The following TAF1B variants were observed in gnomAD, a reference collection of about 807,000 sequenced individuals.
TAF1B encodes the protein TATA box-binding protein-associated factor RNA polymerase I subunit B.
A neutral mutation model predicts 83.9 loss-of-function variants in TAF1B; 61 were observed. The ratio of observed to expected loss-of-function variants is 0.73; its 90% CI spans 0.59 to 0.90. The LOEUF is 0.90. TAF1B is among the 40% of genes least tolerant of loss of function. TAF1B has a pLI of 0.00. For missense variants in TAF1B, 625 were observed against 677.0 expected, an observed-to-expected ratio of 0.92 and a Z score of 0.85; for synonymous variants, 221 against 224.6, an observed-to-expected ratio of 0.98 and a Z score of 0.14.
At chr2:9,908,856 G>T (rs1665431043) in intron 9 of TAF1B, among the ~76,000 whole-genome samples, 1 of 152,166 alleles carries the variant, frequency 6.6e-6, no homozygotes. Flanking sequence ...TCCCATGTTT[G>T]TCATAGCCTG....
At chr2:9,910,955 G>A in intron 10 of TAF1B, 42 bp downstream of exon 10, 2 of 1,533,346 alleles carry the variant, frequency 1.3e-6, no homozygotes, top group African/African-American at 1.4e-5. Context: ...ATTTTATGGT[G>A]CTGATCTTAG....
At chr2:9,928,539 C>T (rs971148341) in intron 14 of TAF1B, among the ~76,000 whole-genome samples, 1 of 152,136 alleles carries the variant, frequency 6.6e-6, no homozygotes, top group African/African-American at 2.4e-5. Flanking sequence ...TTTCGTTGAG[C>T]AGTGGTTTGT....
intron 8 of TAF1B, among the ~76,000 whole-genome samples, chr2:9,891,427 C>G (rs1424833279): frequency 6.6e-6 from 1 of 152,000 alleles, no homozygotes; most frequent in African/African-American, 2.4e-5. Context: ...TTAACTGATG[C>G]CTGATACATG....
At chr2:9,857,925 G>C (rs569318995) in intron 5 of TAF1B, among the ~76,000 whole-genome samples, 1 of 152,048 alleles carries the variant, frequency 6.6e-6, no homozygotes, top group Non-Finnish European at 1.5e-5. Flanking sequence ...GATTTGGATG[G>C]GGACAGAGCC....
intron 5 of TAF1B, among the ~76,000 whole-genome samples, chr2:9,861,748 C>A (rs1663770492): frequency 6.6e-6 from 1 of 152,222 alleles, no homozygotes; most frequent in South Asian, 2.1e-4. Context: ...TGAGACAAAA[C>A]TTCCAGAGGA....
intron 5 of TAF1B, among the ~76,000 whole-genome samples, chr2:9,857,979 C>T (rs1663619728): frequency 6.6e-6 from 1 of 152,128 alleles, no homozygotes; most frequent in African/African-American, 2.4e-5. Flanking sequence ...ATCTCATGTC[C>T]TTCTCACATT....
At chr2:9,926,926 A>G (rs972198925) in intron 14 of TAF1B, among the ~76,000 whole-genome samples, 3 of 151,844 alleles carry the variant, frequency 2.0e-5, no homozygotes, top group African/African-American at 7.3e-5. Flanking sequence ...CACAACCTAC[A>G]GGTTTGTTAC....
intron 5 of TAF1B, among the ~76,000 whole-genome samples, chr2:9,862,198 A>G (rs1205450171): frequency 1.1e-4 from 17 of 152,212 alleles, no homozygotes; most frequent in Admixed American, 1.1e-3. Flanking sequence ...AACCTTGAAA[A>G]AAAAATTAGA....
chr2:9,848,803 T>G (rs1335930375), intron 2 of TAF1B, among the ~76,000 whole-genome samples: 2 of 152,224 alleles, frequency 1.3e-5, no homozygotes, highest in Non-Finnish European at 2.9e-5. Flanking sequence ...TATTTGCCCT[T>G]GAGAGCAGTT....
chr2:9,851,170 TC>T (rs1249117721), intron 3 of TAF1B, among the ~76,000 whole-genome samples: 1 of 152,182 alleles, frequency 6.6e-6, no homozygotes. Flanking sequence ...TGGGCATTGT[TC>T]GGGAAAATAG....
At chr2:9,886,180 G>C (rs1664668458) in intron 8 of TAF1B, among the ~76,000 whole-genome samples, 1 of 151,614 alleles carries the variant, frequency 6.6e-6, no homozygotes. Context: ...GCAAGATAGG[G>C]ATTAAGAGGG....
chr2:9,926,939 A>AT (rs1666059853), intron 14 of TAF1B, among the ~76,000 whole-genome samples: 1 of 152,026 alleles, frequency 6.6e-6, no homozygotes, highest in Non-Finnish European at 1.5e-5. Context: ...TTTGTTACAT[A>AT]GATACATGTG....
intron 8 of TAF1B, among the ~76,000 whole-genome samples, chr2:9,902,154 AC>A (rs1386356080): frequency 6.6e-6 from 1 of 151,950 alleles, no homozygotes; most frequent in Non-Finnish European, 1.5e-5. Context: ...TTAAGCATAT[AC>A]CCCTGTACCA....
intron 9 of TAF1B, among the ~76,000 whole-genome samples, chr2:9,908,944 A>G (rs991535920): frequency 6.6e-6 from 1 of 152,228 alleles, no homozygotes; most frequent in East Asian, 1.9e-4. Context: ...AGAACACACT[A>G]GTTGCTCAAT....
Position 9,882,787 on chromosome 2 carries a change from A to AG in TAF1B, c.791dup (p.Ile265AsnfsTer9). Reference sequence around the variant, plus strand: ...AGATGAAATTATATGGACGTGACAGAGGAATCTTTGGTATAGAGGTAAGTT... The same window carrying AG: ...AGATGAAATTATATGGACGTGACAGAGGGAATCTTTGGTATAGAGGTAAGTT... On this transcript the variant is annotated frameshift_variant, in exon 8 of 15. Coordinates refer to ENST00000263663, the MANE Select transcript of TAF1B (RefSeq NM_005680.3). LOFTEE classifies it high-confidence loss of function. The AG allele has an allele frequency of 6.2e-7, 1 of 1,610,566 alleles. No homozygotes were observed. Among genetic ancestry groups the AG allele is most frequent in the Non-Finnish European group, 8.5e-7 (1 of 1,178,262 alleles).
At chr2:9,859,623 G>T (rs62127564) in intron 5 of TAF1B, among the ~76,000 whole-genome samples, 2 of 151,882 alleles carry the variant, frequency 1.3e-5, no homozygotes, top group African/African-American at 4.8e-5. Flanking sequence ...CCTGACCACA[G>T]GTCAGGCCCA....
At chr2:9,843,462 A>AG (rs35818430), upstream of TAF1B, 1,484,918 of 1,487,822 alleles carry the variant, frequency 1, 741,007 homozygotes, top group East Asian at 1. Context: ...TCCGGCCGGA[A>AG]GCTTCTCCAG....
At chr2:9,926,676 TA>T (rs1666049209) in intron 14 of TAF1B, among the ~76,000 whole-genome samples, 1 of 151,702 alleles carries the variant, frequency 6.6e-6, no homozygotes, top group African/African-American at 2.4e-5. Context: ...CCATCTCTAC[TA>T]AAAATACAAA....
intron 11 of TAF1B, among the ~76,000 whole-genome samples, chr2:9,912,628 C>T (rs1271802052): frequency 6.6e-6 from 1 of 152,166 alleles, no homozygotes; most frequent in Non-Finnish European, 1.5e-5. Context: ...CTGTAAGCCT[C>T]AAAATAAATC....
Sources: allele counts gnomAD v4.1 joint callset (sites outside exome capture counted in the v4.1 genomes callset), GRCh38; gene constraint gnomAD v4.1.1; transcripts MANE v1.5; gene names NCBI Gene and HGNC (gene_info 2026-07-23, HGNC 2026-07-21).